PROX1: variants seen among roughly 807,000 people sequenced by gnomAD.
PROX1 encodes prospero homeobox protein 1.
Under a neutral mutation model 58.8 loss-of-function variants are expected in PROX1, and 7 were observed. The ratio of observed to expected loss-of-function variants is 0.12; its 90% CI spans 0.07 to 0.22. The LOEUF (loss-of-function observed/expected upper bound fraction) is 0.22, where lower values mean the gene tolerates loss of function less well. PROX1 is among the 10% of genes least tolerant of loss of function. The pLI is 1.00. For missense variants in PROX1, 675 were observed against 927.8 expected (o/e 0.73, Z 3.54); for synonymous variants, 350 against 358.3 (o/e 0.98, Z 0.26).
In PROX1 at chr1:213,996,764, G is replaced by A. The variant is rs774501972; in HGVS notation, c.229G>A (p.Ala77Thr). Reference sequence around the variant, plus strand: ...TGTACTCCGCAAGCTGCTGAAGAGGGCGAACTCGTATGAAGATGCCATGAT... The same window carrying A: ...TGTACTCCGCAAGCTGCTGAAGAGGACGAACTCGTATGAAGATGCCATGAT... ...SNVLRKLLKR[A>T]NSYEDAMMPF... The change falls in exon 2 of 5, where the codon GCG becomes ACG. Residue 77 changes from alanine (A) to threonine (T), a missense_variant. Around this residue, in one of 8 missense-constraint regions of PROX1, gnomAD observed 157 missense variants for 197.8 expected, o/e 0.79. Coordinates refer to ENST00000366958, the MANE Select transcript of PROX1 (RefSeq NM_001270616.2). 1.8e-5 allele frequency: 29 copies of A among 1,614,072 alleles called. No individual in the cohort carries two copies. The highest frequency in any genetic ancestry group is 7.6e-6 in the Non-Finnish European group (9 of 1,180,052).
intron 4 of PROX1, among the ~76,000 whole-genome samples, chr1:214,013,410 C>T (rs905353516): frequency 4.6e-5 from 7 of 152,130 alleles, no homozygotes; most frequent in Admixed American, 1.3e-4. Context: ...TAAGAGACTT[C>T]TGTGTGCTAG....
intron 2 of PROX1, among the ~76,000 whole-genome samples, chr1:214,000,570 G>A (rs533718032): frequency 3.9e-5 from 6 of 152,254 alleles, no homozygotes; most frequent in African/African-American, 9.6e-5. Flanking sequence ...TCGGCCTCTC[G>A]TGGCAATTAG....
At chr1:213,994,090 G>A (rs917484817) in intron 1 of PROX1, among the ~76,000 whole-genome samples, 48 of 152,168 alleles carry the variant, frequency 3.2e-4, no homozygotes, top group Admixed American at 2.9e-3. Context: ...TGCAGTTGAC[G>A]CAGAGGTAAA....
intron 4 of PROX1, among the ~76,000 whole-genome samples, chr1:214,022,330 C>T (rs1037988995): frequency 7.2e-5 from 11 of 152,226 alleles, no homozygotes; most frequent in Non-Finnish European, 1.2e-4. Flanking sequence ...TGTATTAGCA[C>T]AAAGTAAGTG....
rs1252019266 is a variant in PROX1, at chr1:213,996,937, A to G, written c.402A>G (p.Arg134=). 7 of 1,614,002 alleles carry G rather than the reference A, an allele frequency of 4.3e-6. No individual in the cohort carries two copies. The highest frequency in any genetic ancestry group is 5.9e-6 in the Non-Finnish European group (7 of 1,180,038). Residue 134 remains arginine, a synonymous_variant, in exon 2 of 5, where the codon AGA becomes AGG. Coordinates refer to ENST00000366958, the MANE Select transcript of PROX1 (RefSeq NM_001270616.2). ...HQEDICSNSS[R]DSPPECLSPF... is the part of the protein sequence containing the mutation. Reference sequence around the variant, plus strand: ...AGGATATATGCAGCAACTCTTCAAGAGACAGCCCCCCAGAGTGTCTTTCCC... The same window carrying G: ...AGGATATATGCAGCAACTCTTCAAGGGACAGCCCCCCAGAGTGTCTTTCCC...
At chr1:214,032,942 A>G (rs1365641848) in intron 4 of PROX1, among the ~76,000 whole-genome samples, 1 of 152,232 alleles carries the variant, frequency 6.6e-6, no homozygotes, top group Admixed American at 6.5e-5. Context: ...AATGATGAAG[A>G]GGAGACTGCA....
At position 213,996,472 on chromosome 1, in the gene PROX1, C is replaced by A; in HGVS notation, c.-64C>A. On this transcript the variant is annotated 5_prime_UTR_variant, in exon 2 of 5. Transcript: ENST00000366958. ...GTCCTTTTGTTCTGTTGGCCAGGGTCCCGGGATTCTTGAGCTGTGCCCAGC... is the reference window on the plus strand; with the variant it reads ...GTCCTTTTGTTCTGTTGGCCAGGGTACCGGGATTCTTGAGCTGTGCCCAGC... The A allele has an allele frequency of 1.3e-6, 2 of 1,524,842 alleles. No homozygotes were observed. The highest frequency in any genetic ancestry group is 8.8e-7 in the Non-Finnish European group (1 of 1,133,828). The allele number at this position is 1,524,842 out of a possible 1,614,324, so 94.5% of individuals were successfully genotyped here.
intron 2 of PROX1, among the ~76,000 whole-genome samples, chr1:213,998,620 T>C (rs371076497): frequency 1.2e-4 from 18 of 152,320 alleles, no homozygotes; most frequent in African/African-American, 4.1e-4. Context: ...AACAGTCTCA[T>C]TGTAAATACT....
chr1:214,018,405 C>G (rs1387160012), intron 4 of PROX1, among the ~76,000 whole-genome samples: 2 of 152,214 alleles, frequency 1.3e-5, no homozygotes, highest in Non-Finnish European at 2.9e-5. Context: ...CCTTCAATGA[C>G]TGCCTTCAGC....
chr1:214,034,948 GTATTAT>G, intron 4 of PROX1, among the ~76,000 whole-genome samples: 1 of 151,854 alleles, frequency 6.6e-6, no homozygotes. Context: ...AAGTTAGTTT[GTATTAT>G]TATTATTATC....
intron 1 of PROX1, among the ~76,000 whole-genome samples, chr1:213,992,388 G>A (rs1663068373): frequency 6.6e-6 from 1 of 152,122 alleles, no homozygotes; most frequent in Non-Finnish European, 1.5e-5. Flanking sequence ...TGAAGAAAAA[G>A]TTGCTAATTA....
intron 3 of PROX1, among the ~76,000 whole-genome samples, chr1:214,010,287 C>T (rs952621106): frequency 6.6e-6 from 1 of 152,166 alleles, no homozygotes; most frequent in Non-Finnish European, 1.5e-5. Flanking sequence ...GGGAGAAACA[C>T]CAGTCTCTCT....
chr1:214,002,544 T>C (rs1663559693), intron 2 of PROX1, among the ~76,000 whole-genome samples: 1 of 152,034 alleles, frequency 6.6e-6, no homozygotes, highest in African/African-American at 2.4e-5. Context: ...CACAGCCACA[T>C]GAGCTGCTGG....
At position 213,996,819 on chromosome 1, in the gene PROX1, AGCT is replaced by A. The variant is rs1286428830; in HGVS notation, c.286_288del (p.Leu97del). The A allele has an allele frequency of 1.2e-6, 2 of 1,614,052 alleles. No individual in the cohort carries two copies. The highest frequency in any genetic ancestry group is 2.7e-5 in the African/African-American group (2 of 74,904). ...TTTCCAGGAGCAACCATAATTTCCC[AGCT>A]GTTGAAAAATAACATGAACAAAAAT... On this transcript the variant is annotated inframe_deletion, in exon 2 of 5. Transcript: ENST00000366958.
Position 213,997,847 on chromosome 1 carries a change from G to A in PROX1, c.1312G>A (p.Ala438Thr), listed in dbSNP as rs1157068183. The A allele has an allele frequency of 6.2e-7, 1 of 1,614,044 alleles. No individual in the cohort carries two copies. Among genetic ancestry groups the A allele is most frequent in the East Asian group, 2.2e-5 (1 of 44,884 alleles). Residue 438 changes from alanine (A) to threonine (T), a missense_variant, in exon 2 of 5, where the codon GCA becomes ACA. This residue lies in a region of PROX1 where 403 missense variants were observed against 477.4 expected (regional missense o/e 0.84). Coordinates refer to ENST00000366958, the MANE Select transcript of PROX1 (RefSeq NM_001270616.2). This position sits in a 1 kb window ranked among gnomAD's most constrained non-coding sequence, Gnocchi z 7.1. ...GGCCAGTTCCACTGACCAGACAGAA[G>A]CACTGCCCCTGGTTGTCCGCAAAAA... ...QMASSTDQTE[A>T]LPLVVRKNSS...
intron 4 of PROX1, among the ~76,000 whole-genome samples, chr1:214,012,527 C>T (rs1193386964): frequency 6.6e-6 from 1 of 152,186 alleles, no homozygotes; most frequent in Admixed American, 6.5e-5. Flanking sequence ...GTTTTCATCA[C>T]AACGTGATGA....
chr1:214,003,262 G>T (rs772589701), intron 2 of PROX1, among the ~76,000 whole-genome samples: 1 of 152,218 alleles, frequency 6.6e-6, no homozygotes, highest in Non-Finnish European at 1.5e-5. Flanking sequence ...CCAATTAAAT[G>T]CATGACGTTG....
chr1:214,035,468 A>G (rs1029529959), intron 4 of PROX1, among the ~76,000 whole-genome samples, 181 bp from the exon 5 acceptor site: 3 of 152,192 alleles, frequency 2.0e-5, no homozygotes, highest in African/African-American at 7.2e-5. Context: ...TCAACCCCAC[A>G]TCACAATGCT....
At chr1:213,985,683 A>G (rs1662807396), upstream of PROX1, 1 of 152,222 alleles carries the variant, frequency 6.6e-6, no homozygotes, top group South Asian at 2.1e-4. Context: ...TTCTCAGGGA[A>G]CTTTTCCCGC....
Sources: allele counts gnomAD v4.1 joint callset (sites outside exome capture counted in the v4.1 genomes callset), GRCh38; gene constraint gnomAD v4.1.1; regional missense constraint gnomAD v4.1.1; non-coding constraint Gnocchi (gnomAD v3.1); transcripts MANE v1.5; gene names NCBI Gene and HGNC (gene_info 2026-07-23, HGNC 2026-07-21).